The following PTPRD variants were observed in gnomAD, a reference collection of about 807,000 sequenced individuals.
PTPRD encodes receptor-type tyrosine-protein phosphatase delta.
PTPRD carries 34 observed loss-of-function variants against 214.5 expected under a neutral mutation model. The observed-to-expected ratio is 0.16, with a 90% CI of 0.12 to 0.21. The LOEUF is 0.21. Ranked by LOEUF, PTPRD falls within the 10% of genes least tolerant of loss-of-function variation. The probability of loss-of-function intolerance (pLI) is 1.00; values close to 1 mark genes in which losing one functional copy is unlikely to be tolerated. For synonymous variants in PTPRD, 1,128 were observed against 845.7 expected (o/e 1.33, Z -5.79); for missense variants, 2,545 against 2,398.7 (o/e 1.06, Z -1.27).
At chr9:9,104,525 C>G (rs769200466) in intron 10 of PTPRD, among the ~76,000 whole-genome samples, 5 of 152,094 alleles carry the variant, frequency 3.3e-5, no homozygotes, top group Non-Finnish European at 7.4e-5. Context: ...ATTTGCAAAA[C>G]CGTTATTTCC....
intron 3 of PTPRD, among the ~76,000 whole-genome samples, chr9:10,136,076 G>C (rs1402045929): frequency 6.6e-6 from 1 of 151,544 alleles, no homozygotes; most frequent in Non-Finnish European, 1.5e-5. Flanking sequence ...AAAGAGCACA[G>C]GTCGATATTC....
chr9:8,681,898 C>G (rs2097557108), intron 12 of PTPRD, among the ~76,000 whole-genome samples: 1 of 152,122 alleles, frequency 6.6e-6, no homozygotes, highest in Non-Finnish European at 1.5e-5. Context: ...TTCTTGGAAA[C>G]CAGTACATTA....
intron 14 of PTPRD, 87 bp from the exon 15 acceptor site, chr9:8,528,866 T>C (rs1438555103): frequency 1.1e-5 from 15 of 1,313,010 alleles, no homozygotes; most frequent in East Asian, 2.4e-5. Flanking sequence ...CTCTTTACCT[T>C]ACTCAGTGCT....
At chr9:9,613,920 C>G (rs148967302) in intron 7 of PTPRD, among the ~76,000 whole-genome samples, 1 of 152,268 alleles carries the variant, frequency 6.6e-6, no homozygotes, top group Non-Finnish European at 1.5e-5. Context: ...TGGAGACAGA[C>G]AGATAACTCT....
intron 7 of PTPRD, among the ~76,000 whole-genome samples, chr9:9,614,689 TGATA>T (rs1461521756): frequency 6.6e-5 from 10 of 152,356 alleles, no homozygotes; most frequent in African/African-American, 1.2e-4. Context: ...ATCATGATGC[TGATA>T]GATATTCATA....
At chr9:8,614,856 A>G (rs976901370) in intron 14 of PTPRD, among the ~76,000 whole-genome samples, 1 of 152,156 alleles carries the variant, frequency 6.6e-6, no homozygotes, top group African/African-American at 2.4e-5. Flanking sequence ...TTTCACAAAA[A>G]GTAATCTACA....
At position 8,404,637 on chromosome 9, in the gene PTPRD, G is replaced by A. The variant is rs2130596803; in HGVS notation, c.4110C>T (p.Phe1370=). The A allele has an allele frequency of 1.9e-6, 3 of 1,611,566 alleles. No homozygotes were observed. Among genetic ancestry groups the A allele is most frequent in the Non-Finnish European group, 2.5e-6 (3 of 1,178,250 alleles). ...EYESIDPGQQ[F]TWEHSNLEVN... is the part of the protein sequence containing the mutation. ...CTTCCAAGTTTGAATGTTCCCAAGTGAACTGCTGGCCAGGGTCAATTGACT... is the reference window on the plus strand; with the variant it reads ...CTTCCAAGTTTGAATGTTCCCAAGTAAACTGCTGGCCAGGGTCAATTGACT... Residue 1370 remains phenylalanine, a synonymous_variant, in exon 36 of 46, where the codon TTC becomes TTT. Transcript: ENST00000381196.
intron 3 of PTPRD, among the ~76,000 whole-genome samples, chr9:10,044,759 T>G (rs2097359347): frequency 6.6e-6 from 1 of 151,702 alleles, no homozygotes; most frequent in African/African-American, 2.4e-5. Flanking sequence ...AAATTGTTAT[T>G]ATTATAATCA....
intron 9 of PTPRD, among the ~76,000 whole-genome samples, chr9:9,394,673 G>A (rs1014210988): frequency 1.3e-5 from 2 of 151,938 alleles, no homozygotes; most frequent in Non-Finnish European, 2.9e-5. Context: ...TCATTATCTT[G>A]TTATATTGAG....
chr9:8,576,470 AT>A (rs956629614), intron 14 of PTPRD, among the ~76,000 whole-genome samples: 3 of 152,082 alleles, frequency 2.0e-5, no homozygotes, highest in African/African-American at 7.2e-5. Flanking sequence ...AAAGCTTCAC[AT>A]TTTGGTTGTA....
chr9:8,630,241 T>C (rs1387187607), intron 14 of PTPRD, among the ~76,000 whole-genome samples: 1 of 151,830 alleles, frequency 6.6e-6, no homozygotes, highest in African/African-American at 2.4e-5. Context: ...GGTCTCCATC[T>C]ACTGCAGAAC....
At chr9:9,340,965 A>C (rs1335928618) in intron 9 of PTPRD, among the ~76,000 whole-genome samples, 2 of 152,310 alleles carry the variant, frequency 1.3e-5, no homozygotes, top group South Asian at 4.1e-4. Context: ...TTCTAACAAT[A>C]CAAGTTTCAT....
intron 11 of PTPRD, among the ~76,000 whole-genome samples, chr9:8,989,618 G>C (rs2099358668): frequency 6.6e-6 from 1 of 152,014 alleles, no homozygotes; most frequent in Non-Finnish European, 1.5e-5. Flanking sequence ...GACAGTCACT[G>C]AATCTCGGTT....
At chr9:8,356,080 G>C (rs1040727658) in intron 39 of PTPRD, among the ~76,000 whole-genome samples, 5 of 152,078 alleles carry the variant, frequency 3.3e-5, no homozygotes, top group African/African-American at 1.2e-4. Context: ...ACCGCAAAGG[G>C]CTGCTTTCAA....
intron 3 of PTPRD, among the ~76,000 whole-genome samples, chr9:10,272,993 G>C (rs2094500476): frequency 1.3e-5 from 2 of 152,184 alleles, no homozygotes; most frequent in Non-Finnish European, 1.5e-5. Flanking sequence ...AACATAGAAA[G>C]ATTTGATGAG....
At chr9:9,971,333 G>A (rs1310295056) in intron 4 of PTPRD, among the ~76,000 whole-genome samples, 1 of 152,134 alleles carries the variant, frequency 6.6e-6, no homozygotes, top group Non-Finnish European at 1.5e-5. Context: ...GTGTTGAGCG[G>A]TATGGCTATA....
intron 5 of PTPRD, among the ~76,000 whole-genome samples, chr9:9,884,104 C>T (rs935803645): frequency 6.6e-6 from 1 of 152,082 alleles, no homozygotes; most frequent in Non-Finnish European, 1.5e-5. Context: ...GTAAACACAG[C>T]TGAGAATATG....
chr9:9,746,293 T>G (rs2098457370), intron 6 of PTPRD, among the ~76,000 whole-genome samples: 1 of 150,494 alleles, frequency 6.6e-6, no homozygotes, highest in Non-Finnish European at 1.5e-5. Flanking sequence ...AGAGAAGAGG[T>G]TTTAATCATT....
chr9:8,706,812 G>A (rs1191507849), intron 12 of PTPRD, among the ~76,000 whole-genome samples: 1 of 152,180 alleles, frequency 6.6e-6, no homozygotes, highest in Non-Finnish European at 1.5e-5. Context: ...ATTAACCACA[G>A]CCAGGTTGGG....
Sources: allele counts gnomAD v4.1 joint callset (sites outside exome capture counted in the v4.1 genomes callset), GRCh38; gene constraint gnomAD v4.1.1; transcripts MANE v1.5; gene names NCBI Gene and HGNC (gene_info 2026-07-23, HGNC 2026-07-21).